Variants in MAF observed in about 807,000 individuals in gnomAD.
The protein encoded by MAF is MAF bZIP transcription factor, also known as transcription factor Maf.
MAF carries 10 observed loss-of-function variants against 22.0 expected under a neutral mutation model. That is an observed-to-expected ratio of 0.45 (90% CI 0.28 to 0.77). The LOEUF (loss-of-function observed/expected upper bound fraction) is 0.77. Among genes scored for constraint, MAF ranks in the 30% least tolerant of loss-of-function variants. MAF has a pLI of 0.12. For synonymous variants in MAF, 337 were observed against 255.8 expected, an observed-to-expected ratio of 1.32 and a Z score of -3.03; for missense variants, 544 against 548.4, an observed-to-expected ratio of 0.99 and a Z score of 0.08.
At chr16:79,480,422 T>C in the MAF span, among the ~76,000 whole-genome samples, 2 of 151,872 alleles carry the variant, frequency 1.3e-5, no homozygotes, top group Admixed American at 6.6e-5. Context: ...GTGACCCAGA[T>C]TGAGACAAGC....
the MAF span, among the ~76,000 whole-genome samples, chr16:79,369,430 TA>T: frequency 1.7e-3 from 256 of 152,360 alleles, 2 homozygotes; most frequent in Non-Finnish European, 1.8e-4. Flanking sequence ...AGACAAACAT[TA>T]CTGCATCCCA....
chr16:79,242,937 C>T, the MAF span, among the ~76,000 whole-genome samples: 3 of 152,052 alleles, frequency 2.0e-5, no homozygotes, highest in Non-Finnish European at 4.4e-5. Flanking sequence ...GAATAACCTG[C>T]TCCTGAATGA....
the MAF span, among the ~76,000 whole-genome samples, chr16:79,440,658 G>A: frequency 2.0e-5 from 3 of 152,088 alleles, no homozygotes; most frequent in Admixed American, 6.6e-5. Flanking sequence ...TGATCCACCC[G>A]CCTTGGCCTC....
chr16:79,461,069 TG>T, the MAF span, among the ~76,000 whole-genome samples: 2 of 152,208 alleles, frequency 1.3e-5, no homozygotes, highest in Non-Finnish European at 2.9e-5. Context: ...TTTGAACTTT[TG>T]GTTTGTTGTC....
chr16:79,323,541 G>T, the MAF span, among the ~76,000 whole-genome samples: 1 of 152,288 alleles, frequency 6.6e-6, no homozygotes, highest in South Asian at 2.1e-4. Flanking sequence ...GAGTGAAGAT[G>T]AAAGGAGAGA....
the MAF span, among the ~76,000 whole-genome samples, chr16:79,445,864 T>C: frequency 6.6e-6 from 1 of 152,218 alleles, no homozygotes; most frequent in Non-Finnish European, 1.5e-5. Context: ...TTTAGCCTGA[T>C]AAGACACTAA....
chr16:79,597,641 G>T, intron 1 of MAF: 1 of 1,021,756 alleles, frequency 9.8e-7, no homozygotes, highest in Non-Finnish European at 1.2e-6. Context: ...ATGGGAAGAA[G>T]GCTCTACGGT....
chr16:79,367,916 A>T, the MAF span, among the ~76,000 whole-genome samples: 1 of 152,202 alleles, frequency 6.6e-6, no homozygotes, highest in African/African-American at 2.4e-5. Flanking sequence ...CTGCCAGAGG[A>T]GAAATGCTTT....
the MAF span, among the ~76,000 whole-genome samples, chr16:79,293,756 A>G: frequency 6.6e-6 from 1 of 152,150 alleles, no homozygotes; most frequent in South Asian, 2.1e-4. Flanking sequence ...ACTTTATCAG[A>G]GCATCCCATT....
the MAF span, among the ~76,000 whole-genome samples, chr16:79,391,890 GAGGAGGAGC>G: frequency 5.4e-4 from 36 of 67,124 alleles, no homozygotes; most frequent in Middle Eastern, 8.2e-3. Context: ...GGAGGAGGAG[GAGGAGGAGC>G]AGGAGGAGGA....
the MAF span, among the ~76,000 whole-genome samples, chr16:79,326,641 G>C: frequency 6.6e-6 from 1 of 152,164 alleles, no homozygotes; most frequent in African/African-American, 2.4e-5. Flanking sequence ...ATCACATACG[G>C]TTTCTGTTGC....
chr16:79,336,458 T>A, the MAF span, among the ~76,000 whole-genome samples: 1 of 152,228 alleles, frequency 6.6e-6, no homozygotes, highest in South Asian at 2.1e-4. Context: ...ATTAGCTTCT[T>A]CAGGGATGCT....
chr16:79,419,206 G>A, the MAF span, among the ~76,000 whole-genome samples: 2 of 152,124 alleles, frequency 1.3e-5, no homozygotes, highest in African/African-American at 4.8e-5. Flanking sequence ...TATCAGCATG[G>A]GCCAAACACA....
chr16:79,381,336 C>T, the MAF span, among the ~76,000 whole-genome samples: 12 of 152,310 alleles, frequency 7.9e-5, no homozygotes, highest in Admixed American at 2.0e-4. Context: ...GAGAGTCAGA[C>T]GGTCAGTCTG....
chr16:79,286,982 C>T, the MAF span, among the ~76,000 whole-genome samples: 1 of 152,198 alleles, frequency 6.6e-6, no homozygotes, highest in Non-Finnish European at 1.5e-5. Context: ...CCTTTGGAAA[C>T]CCATTAAAAA....
the MAF span, among the ~76,000 whole-genome samples, chr16:79,355,551 T>A: frequency 6.6e-6 from 1 of 152,236 alleles, no homozygotes; most frequent in Admixed American, 6.5e-5. Flanking sequence ...CTGGCCTCCC[T>A]GAGCCTCAGC....
chr16:79,481,049 T>C, the MAF span, among the ~76,000 whole-genome samples: 3 of 152,180 alleles, frequency 2.0e-5, no homozygotes, highest in Non-Finnish European at 4.4e-5. Context: ...TGTATGTTTA[T>C]TCACTTAGTA....
chr16:79,408,097 A>AC, the MAF span, among the ~76,000 whole-genome samples: 1 of 151,536 alleles, frequency 6.6e-6, no homozygotes, highest in Non-Finnish European at 1.5e-5. Flanking sequence ...AAAAAAAAAA[A>AC]AAACCTAAAG....
the MAF span, among the ~76,000 whole-genome samples, chr16:79,333,029 C>G: frequency 4.6e-5 from 7 of 152,346 alleles, no homozygotes; most frequent in East Asian, 7.7e-4. Flanking sequence ...GGTGCTCCCC[C>G]AGTGCTAGGT....
Sources: allele counts gnomAD v4.1 joint callset (sites outside exome capture counted in the v4.1 genomes callset), GRCh38; gene constraint gnomAD v4.1.1; transcripts MANE v1.5; gene names NCBI Gene and HGNC (gene_info 2026-07-23, HGNC 2026-07-21).